Variants in TBC1D12 observed in about 807,000 individuals in gnomAD.
TBC1D12 encodes TBC1 domain family member 12.
Under a neutral mutation model 86.7 loss-of-function variants are expected in TBC1D12, and 56 were observed. That is an observed-to-expected ratio of 0.65 (90% confidence interval 0.52 to 0.81). TBC1D12 has a LOEUF of 0.81. Ranked by LOEUF, TBC1D12 falls within the 30% of genes least tolerant of loss-of-function variation. TBC1D12 has a pLI of 0.00. For synonymous variants in TBC1D12, 421 were observed against 411.7 expected (o/e 1.02, Z -0.27); for missense variants, 1,023 against 1,038.8 (o/e 0.98, Z 0.21).
intron 9 of TBC1D12, among the ~76,000 whole-genome samples, chr10:94,517,762 A>G (rs964947039): frequency 7.0e-4 from 106 of 152,232 alleles, no homozygotes; most frequent in Non-Finnish European, 9.1e-4. Flanking sequence ...TGAATAACAT[A>G]TGCTGAATCT....
chr10:94,418,640 C>T (rs899753616), intron 1 of TBC1D12, among the ~76,000 whole-genome samples: 5 of 151,906 alleles, frequency 3.3e-5, no homozygotes, highest in South Asian at 2.1e-4. Context: ...GGTGCAGTCT[C>T]GGCTCACTGC....
Position 94,483,497 on chromosome 10 carries a change from A to T in TBC1D12, c.1211+8714A>T, listed in dbSNP as rs140490346. On this transcript the variant is annotated intron_variant, in intron 3 of 12. Transcript: ENST00000225235. Reference sequence around the variant, plus strand: ...ATATTTCATTGTAATTTTGATTTGCATTTCTCTGATCAGTGATGTTGAGCA... The same window carrying T: ...ATATTTCATTGTAATTTTGATTTGCTTTTCTCTGATCAGTGATGTTGAGCA... Among the ~76,000 whole-genome samples the T allele has an allele frequency of 1.5e-3, 235 of 152,206 alleles. 1 individual carries two copies. Among genetic ancestry groups the T allele is most frequent in the Non-Finnish European group, 2.7e-3 (186 of 68,010 alleles).
chr10:94,432,131 A>T (rs995845579), intron 1 of TBC1D12, among the ~76,000 whole-genome samples: 2 of 152,044 alleles, frequency 1.3e-5, no homozygotes, highest in African/African-American at 4.8e-5. Context: ...GAAGAGAGAG[A>T]GAGTGAGTGT....
At chr10:94,458,246 T>C (rs1199818224) in intron 2 of TBC1D12, among the ~76,000 whole-genome samples, 2 of 152,064 alleles carry the variant, frequency 1.3e-5, no homozygotes, top group Non-Finnish European at 2.9e-5. Context: ...AGTGACTTTA[T>C]AAGAAGAGGA....
At position 94,403,592 on chromosome 10, in the gene TBC1D12, G is replaced by A. The variant is rs1337174394; in HGVS notation, c.971+8G>A. 6.9e-7 allele frequency: 1 copy of A among 1,459,254 alleles called. No individual in the cohort carries two copies. The highest frequency in any genetic ancestry group is 9.0e-7 in the Non-Finnish European group (1 of 1,115,112). 90.4% of individuals were successfully genotyped at this position (1,459,254 alleles called of 1,614,324 possible). A position where few individuals can be genotyped will look rare whatever the true frequency, so the allele number is the denominator to read the frequency against. ...CGCGGACTTCTTCACCAGGTACAGC[G>A]CAGGCTGCATGGGACTCGGGGCGGG... On this transcript the variant is annotated splice_region_variant and intron_variant, in intron 1 of 12. Coordinates refer to ENST00000225235, the MANE Select transcript of TBC1D12 (RefSeq NM_015188.2).
Position 94,521,936 on chromosome 10 carries a change from A to T in TBC1D12, c.1762-19A>T. The T allele has an allele frequency of 1.3e-6, 2 of 1,555,042 alleles. No individual in the cohort carries two copies. The highest frequency in any genetic ancestry group is 1.7e-6 in the Non-Finnish European group (2 of 1,143,676). ...TATTATTGTAAGTCCATTTTGACTA[A>T]ATTTTTCTCCCTTTGAAGGTCCAAG... On this transcript the variant is annotated intron_variant, in intron 9 of 12. Coordinates refer to ENST00000225235, the MANE Select transcript of TBC1D12 (RefSeq NM_015188.2).
chr10:94,419,459 G>A (rs934583244), intron 1 of TBC1D12, among the ~76,000 whole-genome samples: 1 of 152,102 alleles, frequency 6.6e-6, no homozygotes, highest in Admixed American at 6.5e-5. Context: ...TGGATCATGA[G>A]GTCAGGAGTT....
chr10:94,492,137 A>T (rs2134174814), intron 3 of TBC1D12, among the ~76,000 whole-genome samples: 1 of 152,326 alleles, frequency 6.6e-6, no homozygotes, highest in Non-Finnish European at 1.5e-5. Context: ...TGATGGCAAC[A>T]TATTGTGCTG....
chr10:94,418,021 G>C (rs1241612224), intron 1 of TBC1D12, among the ~76,000 whole-genome samples: 1 of 151,934 alleles, frequency 6.6e-6, no homozygotes, highest in Non-Finnish European at 1.5e-5. Flanking sequence ...CCCAAAGTGC[G>C]GAGATTACAG....
intron 1 of TBC1D12, among the ~76,000 whole-genome samples, chr10:94,431,914 C>T (rs1019897247): frequency 6.6e-5 from 10 of 152,084 alleles, no homozygotes; most frequent in African/African-American, 1.4e-4. Context: ...CCCTTCAACA[C>T]GAACAACATA....
intron 9 of TBC1D12, among the ~76,000 whole-genome samples, chr10:94,517,363 G>A (rs1842025412): frequency 2.0e-5 from 3 of 152,206 alleles, no homozygotes; most frequent in South Asian, 4.1e-4. Context: ...GGGTGACAGA[G>A]CGAGACTCTG....
Position 94,418,555 on chromosome 10 carries a change from C to CTATTATTAT in TBC1D12, c.971+14990_971+14998dup, listed in dbSNP as rs147676016. 9.9e-3 allele frequency among the ~76,000 whole-genome samples: 1,488 copies of CTATTATTAT among 149,580 alleles called. 16 individuals carry two copies. Among genetic ancestry groups the CTATTATTAT allele is most frequent in the African/African-American group, 0.03 (1,224 of 40,890 alleles). On this transcript the variant is annotated intron_variant, in intron 1 of 12. Transcript: ENST00000225235. ...CGCCTTCAATCTTTTATACTTTGGTCTATTATTATTATTATTATTATTATT... is the reference window on the plus strand; with the variant it reads ...CGCCTTCAATCTTTTATACTTTGGTCTATTATTATTATTATTATTATTATTATTATTATT...
intron 8 of TBC1D12, among the ~76,000 whole-genome samples, chr10:94,511,231 G>A (rs967058149): frequency 6.6e-6 from 1 of 151,304 alleles, no homozygotes; most frequent in African/African-American, 2.4e-5. Flanking sequence ...CCGAGTAGCT[G>A]GAATTACAGG....
At chr10:94,524,796 T>A (rs1222444990) in intron 11 of TBC1D12, among the ~76,000 whole-genome samples, 1 of 152,010 alleles carries the variant, frequency 6.6e-6, no homozygotes, top group Non-Finnish European at 1.5e-5. Flanking sequence ...TGAAATTTTG[T>A]TTTTTATTTT....
At chr10:94,459,483 G>A (rs1196322198) in intron 2 of TBC1D12, among the ~76,000 whole-genome samples, 3 of 152,230 alleles carry the variant, frequency 2.0e-5, no homozygotes, top group African/African-American at 7.2e-5. Context: ...CCAGTACCGC[G>A]CTGTGCGCCC....
At chr10:94,477,918 C>T (rs2056016769) in intron 3 of TBC1D12, among the ~76,000 whole-genome samples, 1 of 152,138 alleles carries the variant, frequency 6.6e-6, no homozygotes, top group African/African-American at 2.4e-5. Flanking sequence ...CTGCAAATTT[C>T]ACCTTGTTAA....
chr10:94,509,351 C>T (rs969330672), intron 7 of TBC1D12: 1 of 152,110 alleles, frequency 6.6e-6, no homozygotes, highest in African/African-American at 2.4e-5. Flanking sequence ...TCTTGGCCTC[C>T]CAAAGTGCTA....
At chr10:94,427,223 C>G (rs1305608616) in intron 1 of TBC1D12, among the ~76,000 whole-genome samples, 1 of 152,182 alleles carries the variant, frequency 6.6e-6, no homozygotes, top group Non-Finnish European at 1.5e-5. Context: ...CCACCTTTCT[C>G]CTATGTTAAA....
At position 94,512,279 on chromosome 10, in the gene TBC1D12, G is replaced by A. The variant is rs144755825; in HGVS notation, c.1761+625G>A. Among the ~76,000 whole-genome samples the A allele has an allele frequency of 5.4e-3, 695 of 128,584 alleles. 4 individuals are homozygous for A. Among genetic ancestry groups the A allele is most frequent in the Non-Finnish European group, 8.7e-3 (497 of 57,282 alleles). The allele number at this position is 128,584 out of a possible 152,430, so 84.4% of individuals were successfully genotyped here. A position where few individuals can be genotyped will look rare whatever the true frequency, so the allele number is the denominator to read the frequency against. On this transcript the variant is annotated intron_variant, in intron 9 of 12. Transcript: ENST00000225235. ...TTTTTCATTCTTGTAGTCCTTGTGG[G>A]TTAATATTTATTTTTTCTTTACTGT...
Sources: allele counts gnomAD v4.1 joint callset (sites outside exome capture counted in the v4.1 genomes callset), GRCh38; gene constraint gnomAD v4.1.1; transcripts MANE v1.5; gene names NCBI Gene and HGNC (gene_info 2026-07-23, HGNC 2026-07-21).